The following KDM4C variants were observed in gnomAD, a reference collection of about 807,000 sequenced individuals.
KDM4C encodes the protein lysine-specific demethylase 4C.
KDM4C carries 81 observed loss-of-function variants against 129.3 expected under a neutral mutation model. That is an observed-to-expected ratio of 0.63 (90% confidence interval 0.52 to 0.75). KDM4C has a LOEUF of 0.75. Among genes scored for constraint, KDM4C ranks in the 30% least tolerant of loss-of-function variants. The pLI, the probability that KDM4C is intolerant of heterozygous loss-of-function variation, is 0.00. For synonymous variants in KDM4C, 573 were observed against 456.1 expected (o/e 1.26, Z -3.26); for missense variants, 1,457 against 1,304.0 (o/e 1.12, Z -1.81).
chr9:7,015,175 T>C (rs1823437541), intron 14 of KDM4C, among the ~76,000 whole-genome samples: 1 of 152,204 alleles, frequency 6.6e-6, no homozygotes, highest in East Asian at 1.9e-4. Context: ...ACAGAAATTT[T>C]CAAAAATTAC....
At chr9:6,888,512 T>C (rs1033262667) in intron 7 of KDM4C, among the ~76,000 whole-genome samples, 2 of 152,216 alleles carry the variant, frequency 1.3e-5, no homozygotes, top group Non-Finnish European at 2.9e-5. Context: ...TGGATAAAAT[T>C]GCCTGATGAT....
At chr9:7,134,122 C>A (rs564955585) in intron 19 of KDM4C, among the ~76,000 whole-genome samples, 1 of 152,306 alleles carries the variant, frequency 6.6e-6, no homozygotes, top group East Asian at 1.9e-4. Context: ...TGGACATTTG[C>A]CAGAGAAGGC....
intron 5 of KDM4C, among the ~76,000 whole-genome samples, chr9:6,866,825 C>G (rs1040933691): frequency 6.7e-6 from 1 of 150,116 alleles, no homozygotes; most frequent in Non-Finnish European, 1.5e-5. Context: ...AAGTTTTTTA[C>G]TTCTCTGGGA....
intron 15 of KDM4C, among the ~76,000 whole-genome samples, chr9:7,033,490 A>G (rs1827129290): frequency 1.3e-5 from 2 of 152,196 alleles, no homozygotes; most frequent in African/African-American, 2.4e-5. Flanking sequence ...CATGGTGGTA[A>G]TAATTATTTC....
chr9:7,147,070 TTC>T (rs1842284323), intron 19 of KDM4C, among the ~76,000 whole-genome samples: 1 of 152,268 alleles, frequency 6.6e-6, no homozygotes, highest in Admixed American at 6.5e-5. Flanking sequence ...TTCTGTTCTC[TTC>T]TCTCATTCTC....
intron 3 of KDM4C, among the ~76,000 whole-genome samples, chr9:6,812,571 A>G (rs1008578421): frequency 1.3e-5 from 2 of 152,172 alleles, no homozygotes; most frequent in Non-Finnish European, 2.9e-5. Flanking sequence ...TGCACAGTTC[A>G]CAACAGGGTT....
rs1290141846 is a variant in KDM4C at position 7,174,974 on chromosome 9, C to G, written c.*245C>G. Reference sequence around the variant, plus strand: ...TGTGAGCAGTTGTCTTCTATGATCCCAAAGAAGTTTTCTAAGTGAAAGGAA... The same window carrying G: ...TGTGAGCAGTTGTCTTCTATGATCCGAAAGAAGTTTTCTAAGTGAAAGGAA... On this transcript the variant is annotated 3_prime_UTR_variant, in exon 22 of 22. Coordinates refer to ENST00000381309, the MANE Select transcript of KDM4C (RefSeq NM_015061.6). 5 of 372,316 alleles carry G rather than the reference C, an allele frequency of 1.3e-5. No homozygotes were observed. The East Asian group carries it at 1.9e-4, about 15-fold the overall frequency. 23.1% of individuals were successfully genotyped at this position (372,316 alleles called of 1,614,324 possible). A position where few individuals can be genotyped will look rare whatever the true frequency, so the allele number is the denominator to read the frequency against.
At position 7,063,545 on chromosome 9, in the gene KDM4C, G is replaced by T. The variant is rs372694902; in HGVS notation, c.2424+14345G>T. Among the ~76,000 whole-genome samples the T allele has an allele frequency of 3.9e-5, 6 of 152,300 alleles. No individual in the cohort carries two copies. The South Asian group carries it at 1.0e-3, about 26-fold the overall frequency. On this transcript the variant is annotated intron_variant, in intron 17 of 21. Coordinates refer to ENST00000381309, the MANE Select transcript of KDM4C (RefSeq NM_015061.6). ...ATTTATTCAATAAATATTTATTGAG[G>T]ACTTAATATGTAGTTAGGTGATAAA...
chr9:7,049,176 A>G lies in KDM4C; in HGVS notation c.2400A>G (p.Arg800=), dbSNP rs1199537572. The change falls in exon 17 of 22, where the codon AGA becomes AGG. Residue 800 remains arginine, a synonymous_variant. Transcript: ENST00000381309. ...VPERTQIDVG[R]IPLQRLKLKC... Reference sequence around the variant, plus strand: ...AAAGGACACAAATAGATGTAGGCAGAATACCTTTACAGAGGTTAAAATTGG... The same window carrying G: ...AAAGGACACAAATAGATGTAGGCAGGATACCTTTACAGAGGTTAAAATTGG... 1 of 1,607,688 alleles carries G rather than the reference A, an allele frequency of 6.2e-7. No homozygotes were observed. The highest frequency in any genetic ancestry group is 8.5e-7 in the Non-Finnish European group (1 of 1,174,630).
intron 15 of KDM4C, among the ~76,000 whole-genome samples, chr9:7,027,919 G>A (rs1039898663): frequency 3.3e-5 from 5 of 152,174 alleles, no homozygotes; most frequent in South Asian, 2.1e-4. Context: ...CCAATATTCA[G>A]TTAAGGCCCT....
chr9:6,826,695 G>C (rs1366853360), intron 4 of KDM4C, among the ~76,000 whole-genome samples: 1 of 152,004 alleles, frequency 6.6e-6, no homozygotes, highest in Non-Finnish European at 1.5e-5. Context: ...GTGAAACCCT[G>C]TCTCTACTAA....
chr9:6,859,367 C>T (rs985435906), intron 5 of KDM4C, among the ~76,000 whole-genome samples: 6 of 148,092 alleles, frequency 4.1e-5, no homozygotes, highest in African/African-American at 1.0e-4. Context: ...CCCAGCTACT[C>T]GGGAGGCTGA....
intron 8 of KDM4C, among the ~76,000 whole-genome samples, chr9:6,950,338 T>C (rs1179936593): frequency 1.3e-5 from 2 of 152,212 alleles, no homozygotes; most frequent in Non-Finnish European, 2.9e-5. Flanking sequence ...AGTAGAAATC[T>C]ATGTTTAGAA....
intron 2 of KDM4C, among the ~76,000 whole-genome samples, chr9:6,797,052 C>T (rs371208496): frequency 4.4e-4 from 67 of 150,848 alleles, no homozygotes; most frequent in African/African-American, 1.5e-3. Flanking sequence ...GATCGTGGCT[C>T]ACTGCAGCCT....
At chr9:6,968,541 C>G (rs191788375) in intron 8 of KDM4C, among the ~76,000 whole-genome samples, 1 of 152,074 alleles carries the variant, frequency 6.6e-6, no homozygotes, top group African/African-American at 2.4e-5. Flanking sequence ...TAAACTGTTT[C>G]CACATATTTT....
At position 6,742,431 on chromosome 9, in the gene KDM4C, C is replaced by A. The variant is rs116047593; in HGVS notation, c.49+21434C>A. ...TTTATTTATTTTATTATCAAGCAGC[C>A]CCCTGAAACAGAGTTAGTTCAGAGA... On this transcript the variant is annotated intron_variant, in intron 1 of 17. Coordinates refer to the KDM4C transcript ENST00000536108. Among the ~76,000 whole-genome samples the A allele has an allele frequency of 9.5e-3, 1,445 of 152,070 alleles. 22 individuals carry two copies. The highest frequency in any genetic ancestry group is 0.033 in the African/African-American group (1,375 of 41,460).
intron 7 of KDM4C, among the ~76,000 whole-genome samples, chr9:6,888,766 T>C (rs1845655515): frequency 6.6e-6 from 1 of 151,268 alleles, no homozygotes; most frequent in Non-Finnish European, 1.5e-5. Context: ...AAAAAATAGC[T>C]CTTCCTTCTT....
At chr9:7,074,417 T>C (rs902337621) in intron 17 of KDM4C, among the ~76,000 whole-genome samples, 1 of 152,142 alleles carries the variant, frequency 6.6e-6, no homozygotes, top group South Asian at 2.1e-4. Flanking sequence ...TCCACCCACC[T>C]TGGTCTGCCA....
intron 1 of KDM4C, among the ~76,000 whole-genome samples, chr9:6,775,004 T>G (rs1307798240): frequency 6.6e-6 from 1 of 152,184 alleles, no homozygotes; most frequent in African/African-American, 2.4e-5. Context: ...TTTCTGAGAT[T>G]CATCCATATT....
Sources: allele counts gnomAD v4.1 joint callset (sites outside exome capture counted in the v4.1 genomes callset), GRCh38; gene constraint gnomAD v4.1.1; transcripts MANE v1.5; gene names NCBI Gene and HGNC (gene_info 2026-07-23, HGNC 2026-07-21).